SEC22C: variants seen among roughly 807,000 people sequenced by gnomAD.
The protein encoded by SEC22C is SEC22 homolog C, vesicle trafficking protein.
Under a neutral mutation model 34.7 loss-of-function variants are expected in SEC22C, and 29 were observed. The ratio of observed to expected loss-of-function variants is 0.84; its 90% CI spans 0.62 to 1.14. The LOEUF (loss-of-function observed/expected upper bound fraction) is 1.14, where lower values mean the gene tolerates loss of function less well. Ranked by LOEUF, SEC22C falls within the 50% of genes most tolerant of loss-of-function variation. The probability of loss-of-function intolerance (pLI) is 0.00; values close to 1 mark genes in which losing one functional copy is unlikely to be tolerated. For synonymous variants in SEC22C, 117 were observed against 132.8 expected, an observed-to-expected ratio of 0.88 and a Z score of 0.82; for missense variants, 337 against 369.0, an observed-to-expected ratio of 0.91 and a Z score of 0.71.
intron 3 of SEC22C, among the ~76,000 whole-genome samples, chr3:42,563,162 G>C (rs143457484): frequency 6.6e-6 from 1 of 152,358 alleles, no homozygotes; most frequent in African/African-American, 2.4e-5. Flanking sequence ...AGCAGCCACA[G>C]ACAACATGTA....
At chr3:42,590,570 A>T (rs1704784389) in intron 1 of SEC22C, among the ~76,000 whole-genome samples, 1 of 151,710 alleles carries the variant, frequency 6.6e-6, no homozygotes, top group Non-Finnish European at 1.5e-5. Flanking sequence ...TGGGCGACAG[A>T]GCGAGACTCC....
chr3:42,554,475 G>C (rs1450011738), intron 6 of SEC22C, among the ~76,000 whole-genome samples: 3 of 152,080 alleles, frequency 2.0e-5, no homozygotes, highest in African/African-American at 7.2e-5. Context: ...CTCCCAAGTA[G>C]CTGGGACTAC....
chr3:42,574,606 T>C (rs1324165217), intron 1 of SEC22C, among the ~76,000 whole-genome samples: 1 of 152,138 alleles, frequency 6.6e-6, no homozygotes, highest in African/African-American at 2.4e-5. Context: ...ATGTCTCATG[T>C]GGTTCTCAAC....
intron 1 of SEC22C, among the ~76,000 whole-genome samples, chr3:42,579,137 T>C (rs1215316535): frequency 1.3e-5 from 2 of 151,948 alleles, no homozygotes; most frequent in African/African-American, 2.4e-5. Flanking sequence ...ATTAGCTAGG[T>C]ATGGTGGTAC....
chr3:42,558,791 C>CA (rs35593656), intron 4 of SEC22C, among the ~76,000 whole-genome samples: 7 of 150,846 alleles, frequency 4.6e-5, no homozygotes, highest in South Asian at 4.2e-4. Context: ...GAACCTGTCT[C>CA]AAAAAAAAAT....
chr3:42,552,133 A>T lies in SEC22C; in HGVS notation c.*1115T>A, dbSNP rs1702284249. 5.1e-6 allele frequency: 5 copies of T among 985,394 alleles called. No homozygotes were observed. The South Asian group carries it at 2.3e-4, about 46-fold the overall frequency. The allele number at this position is 985,394 out of a possible 1,614,324, so 61.0% of individuals were successfully genotyped here. A position where few individuals can be genotyped will look rare whatever the true frequency, so the allele number is the denominator to read the frequency against. On this transcript the variant is annotated 3_prime_UTR_variant, in exon 7 of 7. Transcript: ENST00000264454. ...TCAATCAATTTTTTGACAGTGAAAG[A>T]GAGTAACTTTCCAGAGTATGTGTTA...
intron 2 of SEC22C, chr3:42,565,871 T>C: frequency 2.2e-6 from 1 of 455,960 alleles, no homozygotes; most frequent in Non-Finnish European, 4.4e-6. Context: ...TTAAAAGCTA[T>C]GGTACTGCTC....
At chr3:42,594,122 A>C (rs975145280) in intron 1 of SEC22C, among the ~76,000 whole-genome samples, 3 of 152,256 alleles carry the variant, frequency 2.0e-5, no homozygotes, top group Admixed American at 6.5e-5. Flanking sequence ...TAAATTGTAC[A>C]GTAATCTCTC....
intron 4 of SEC22C, among the ~76,000 whole-genome samples, chr3:42,560,055 G>A (rs941577076): frequency 4.0e-5 from 6 of 149,728 alleles, no homozygotes; most frequent in African/African-American, 1.5e-4. Flanking sequence ...AAGAGTGGGG[G>A]TTTCAGATCT....
chr3:42,570,770 C>T (rs1450009538), intron 1 of SEC22C, among the ~76,000 whole-genome samples: 2 of 152,050 alleles, frequency 1.3e-5, no homozygotes, highest in Admixed American at 6.6e-5. Context: ...TCTATACTTT[C>T]GTAAGTATTT....
intron 1 of SEC22C, among the ~76,000 whole-genome samples, chr3:42,598,364 G>C (rs965744913): frequency 1.4e-4 from 20 of 147,704 alleles, no homozygotes; most frequent in Admixed American, 2.7e-4. Flanking sequence ...GTCTCGCACT[G>C]TCACCCAGGC....
rs550664484 is a variant in SEC22C, at chr3:42,549,180, G to T, written c.*4068C>A. ...ACAGGTAGAGCGTCCCCAGACCTGT[G>T]CAATATTCTACACGAAAACATTTGG... is the stretch of plus-strand genomic sequence containing the variant. On this transcript the variant is annotated 3_prime_UTR_variant, in exon 7 of 7. Coordinates refer to ENST00000264454, the MANE Select transcript of SEC22C (RefSeq NM_032970.4). 4 of 987,486 alleles carry T rather than the reference G, an allele frequency of 4.1e-6. No homozygotes were observed. In the East Asian group the frequency reaches 4.5e-4, roughly 111 times the overall value. 61.2% of individuals were successfully genotyped at this position (987,486 alleles called of 1,614,324 possible).
At chr3:42,593,769 A>G (rs910713874) in intron 1 of SEC22C, among the ~76,000 whole-genome samples, 1 of 152,168 alleles carries the variant, frequency 6.6e-6, no homozygotes, top group Non-Finnish European at 1.5e-5. Context: ...GAGGAGTGCT[A>G]TTTTATACAT....
At chr3:42,585,947 C>G (rs148692279), upstream of SEC22C, among the ~76,000 whole-genome samples, 3 of 152,098 alleles carry the variant, frequency 2.0e-5, no homozygotes, top group Non-Finnish European at 4.4e-5. Context: ...TCAACCCCCC[C>G]TCCCCCGCTT....
In SEC22C at chr3:42,548,961, G is replaced by T. The variant is rs1702120399; in HGVS notation, c.*4287C>A. Reference sequence around the variant, plus strand: ...CTCATAACAGCACCCTGGCGGGGGGGCAGATTGATGTTATCACCATTTACC... The same window carrying T: ...CTCATAACAGCACCCTGGCGGGGGGTCAGATTGATGTTATCACCATTTACC... On this transcript the variant is annotated 3_prime_UTR_variant, in exon 7 of 7. Coordinates refer to ENST00000264454, the MANE Select transcript of SEC22C (RefSeq NM_032970.4). The T allele has an allele frequency of 1.4e-5, 16 of 1,148,762 alleles. No individual in the cohort carries two copies. Among genetic ancestry groups the T allele is most frequent in the Non-Finnish European group, 1.7e-5 (16 of 926,178 alleles). The allele number at this position is 1,148,762 out of a possible 1,614,324, so 71.2% of individuals were successfully genotyped here. A position where few individuals can be genotyped will look rare whatever the true frequency, so the allele number is the denominator to read the frequency against.
At chr3:42,566,359 T>A (rs1467315740) in intron 2 of SEC22C, among the ~76,000 whole-genome samples, 1 of 152,178 alleles carries the variant, frequency 6.6e-6, no homozygotes, top group Non-Finnish European at 1.5e-5. Context: ...TAAAAGGACC[T>A]CAGCTTAGCA....
intron 1 of SEC22C, among the ~76,000 whole-genome samples, chr3:42,592,879 G>T (rs957042832): frequency 6.6e-6 from 1 of 151,936 alleles, no homozygotes; most frequent in African/African-American, 2.4e-5. Flanking sequence ...CCCCCCCACC[G>T]TAAACTTATG....
intron 6 of SEC22C, among the ~76,000 whole-genome samples, chr3:42,555,047 A>T (rs1009850099): frequency 2.0e-5 from 3 of 152,124 alleles, no homozygotes; most frequent in Non-Finnish European, 4.4e-5. Flanking sequence ...TATATTTTTT[A>T]AAAAATTTTT....
At chr3:42,587,080 T>G (rs763822659) in intron 1 of SEC22C, among the ~76,000 whole-genome samples, 1 of 152,224 alleles carries the variant, frequency 6.6e-6, no homozygotes, top group Non-Finnish European at 1.5e-5. Context: ...TTCTCATTGC[T>G]CCCACTATCT....
Sources: allele counts gnomAD v4.1 joint callset (sites outside exome capture counted in the v4.1 genomes callset), GRCh38; gene constraint gnomAD v4.1.1; transcripts MANE v1.5; gene names NCBI Gene and HGNC (gene_info 2026-07-23, HGNC 2026-07-21).